PCDHA4: variants seen among roughly 807,000 people sequenced by gnomAD.
PCDHA4 encodes the protein protocadherin alpha 4, also known as protocadherin alpha-4.
PCDHA4 carries 49 observed loss-of-function variants against 61.4 expected under a neutral mutation model. The observed-to-expected ratio is 0.80, with a 90% CI of 0.63 to 1.01. The LOEUF (loss-of-function observed/expected upper bound fraction) is 1.01, where lower values mean the gene tolerates loss of function less well. Ranked by LOEUF, PCDHA4 falls within the 50% of genes least tolerant of loss-of-function variation. The probability of loss-of-function intolerance (pLI) is 0.00; values close to 1 mark genes in which losing one functional copy is unlikely to be tolerated. For synonymous variants in PCDHA4, 590 were observed against 550.3 expected, an observed-to-expected ratio of 1.07 and a Z score of -1.01; for missense variants, 1,254 against 1,235.8, an observed-to-expected ratio of 1.01 and a Z score of -0.22.
chr5:140,876,212 A>G lies in PCDHA4; in HGVS notation c.2385+66640A>G, dbSNP rs782252921. On this transcript the variant is annotated intron_variant, in intron 1 of 3. Coordinates refer to ENST00000530339, the MANE Select transcript of PCDHA4 (RefSeq NM_018907.4). Reference sequence around the variant, plus strand: ...GGTCCGGCGTTTGATAAGCCCAGCTATAAAGTAGTGTTGTCTGAAAATGTC... The same window carrying G: ...GGTCCGGCGTTTGATAAGCCCAGCTGTAAAGTAGTGTTGTCTGAAAATGTC... 5.6e-6 allele frequency: 9 copies of G among 1,613,994 alleles called. No individual in the cohort carries two copies. In the East Asian group the frequency reaches 2.0e-4, roughly 36 times the overall value.
At chr5:140,966,350 A>C in intron 1 of PCDHA4, 1 of 397,418 alleles carries the variant, frequency 2.5e-6, no homozygotes, top group Non-Finnish European at 4.4e-6. Flanking sequence ...GGTGAAGGAG[A>C]TGGGGCTGGA....
At chr5:140,958,587 A>G (rs530889375) in intron 1 of PCDHA4, among the ~76,000 whole-genome samples, 36 of 152,292 alleles carry the variant, frequency 2.4e-4, no homozygotes, top group African/African-American at 8.2e-4. Context: ...AAATGAGCTT[A>G]TGATAATTGG....
At position 140,809,539 on chromosome 5, in the gene PCDHA4, T is replaced by C. The variant is rs782730163; in HGVS notation, c.2352T>C (p.Asp784=). The C allele has an allele frequency of 1.2e-6, 2 of 1,613,728 alleles. No individual in the cohort carries two copies. Among genetic ancestry groups the C allele is most frequent in the Non-Finnish European group, 1.7e-6 (2 of 1,179,802 alleles). The change falls in exon 1 of 4, where the codon GAT becomes GAC. Residue 784 remains aspartate (D), a synonymous_variant. Coordinates refer to ENST00000530339, the MANE Select transcript of PCDHA4 (RefSeq NM_018907.4). ...TACCTGACTCTAGGGACAGAGAAGA[T>C]CAGCTGCAGACAACTGAGGAATCCT... ...PSLPDSRDRE[D]QLQTTEESFA...
chr5:140,971,958 CT>C (rs1176007834), intron 1 of PCDHA4, among the ~76,000 whole-genome samples: 2 of 152,172 alleles, frequency 1.3e-5, no homozygotes, highest in African/African-American at 2.4e-5. Context: ...ACTCCAAAAA[CT>C]TTTTTTCAAT....
intron 1 of PCDHA4, chr5:140,814,250 A>C (rs1436384389): frequency 6.6e-6 from 1 of 152,380 alleles, no homozygotes; most frequent in African/African-American, 2.4e-5. Context: ...AAATGAAGAT[A>C]TAAACACCCA....
intron 1 of PCDHA4, among the ~76,000 whole-genome samples, chr5:140,905,243 T>C (rs962108553): frequency 7.2e-5 from 11 of 152,184 alleles, no homozygotes; most frequent in Non-Finnish European, 1.5e-4. Context: ...CCAGTTTCAT[T>C]CTTCCACATG....
Position 140,978,973 on chromosome 5 carries a change from C to T in PCDHA4, c.2410C>T (p.Arg804Cys), listed in dbSNP as rs141879545. Residue 804 changes from arginine (R) to cysteine (C), a missense_variant, in exon 2 of 4, where the codon CGT becomes TGT. Transcript: ENST00000530339. ...GCCACGACAGCCCAACCCTGACTGG[C>T]GTTACTCTGCCTCCCTGAGAGCAGG... is the stretch of plus-strand genomic sequence containing the variant. ...AKPRQPNPDW[R>C]YSASLRAGMH... 1.5e-5 allele frequency: 24 copies of T among 1,614,060 alleles called. No individual in the cohort carries two copies. Among genetic ancestry groups the T allele is most frequent in the Middle Eastern group, 3.3e-4 (2 of 6,084 alleles).
intron 1 of PCDHA4, chr5:140,823,320 G>A (rs2150124673): frequency 2.5e-6 from 4 of 1,612,172 alleles, no homozygotes; most frequent in South Asian, 1.1e-5. Context: ...AGAGCGGCAA[G>A]GTGTACGCGC....
chr5:140,961,155 G>C (rs1214072320), intron 1 of PCDHA4, among the ~76,000 whole-genome samples: 3 of 152,126 alleles, frequency 2.0e-5, no homozygotes, highest in Non-Finnish European at 4.4e-5. Context: ...TATTATTTCA[G>C]TACATATCTA....
intron 1 of PCDHA4, chr5:140,849,719 G>T (rs1386986772): frequency 6.3e-7 from 1 of 1,598,444 alleles, no homozygotes; most frequent in African/African-American, 1.3e-5. Context: ...ACTCGTTGGT[G>T]CTGGACAGAG....
chr5:140,941,191 T>TTTTTTTCTTTC (rs1554213809), intron 1 of PCDHA4, among the ~76,000 whole-genome samples: 6 of 93,206 alleles, frequency 6.4e-5, no homozygotes, highest in Admixed American at 2.5e-4. Context: ...GCTTCTTTTT[T>TTTTTTTCTTTC]TTTCTTTCTT....
intron 1 of PCDHA4, among the ~76,000 whole-genome samples, chr5:140,874,484 G>A (rs1438670057): frequency 6.6e-6 from 1 of 152,190 alleles, no homozygotes; most frequent in African/African-American, 2.4e-5. Context: ...AAAGCAAAAG[G>A]TTGATATCAA....
chr5:140,966,826 G>T, intron 1 of PCDHA4: 5 of 1,560,694 alleles, frequency 3.2e-6, no homozygotes, highest in Non-Finnish European at 4.3e-6. Context: ...GGCGGCCCAT[G>T]CCCTGGCTGC....
intron 1 of PCDHA4, chr5:140,876,058 C>A (rs781906188): frequency 1.2e-6 from 2 of 1,613,750 alleles, no homozygotes; most frequent in African/African-American, 1.3e-5. Flanking sequence ...TGAATTAGTT[C>A]TTCGGAAGTT....
chr5:140,925,125 A>G (rs1399052853), intron 1 of PCDHA4, among the ~76,000 whole-genome samples: 2 of 150,878 alleles, frequency 1.3e-5, no homozygotes, highest in African/African-American at 2.4e-5. Flanking sequence ...AAGGAAGGAA[A>G]AAAAATTTCA....
chr5:140,851,916 G>A, intron 1 of PCDHA4: 1 of 968,262 alleles, frequency 1.0e-6, no homozygotes, highest in Non-Finnish European at 1.2e-6. Flanking sequence ...GTCACTACAT[G>A]TTATGTTTCC....
At chr5:140,966,695 CGGGCGTGGGGCACGGCT>C (rs2096039584) in intron 1 of PCDHA4, 1 of 1,358,374 alleles carries the variant, frequency 7.4e-7, no homozygotes. Flanking sequence ...AGGCGGGGCC[CGGGCGTGGGGCACGGCT>C]GGGGAAGCTG....
At chr5:140,826,162 GT>G (rs1768831898) in intron 1 of PCDHA4, among the ~76,000 whole-genome samples, 1 of 152,122 alleles carries the variant, frequency 6.6e-6, no homozygotes, top group Non-Finnish European at 1.5e-5. Context: ...TTGAGAAATA[GT>G]TTTTGTCATT....
intron 1 of PCDHA4, chr5:140,929,724 TA>T (rs2086341478): frequency 4.6e-6 from 1 of 218,158 alleles, no homozygotes; most frequent in Admixed American, 5.9e-5. Flanking sequence ...GTGAAACATT[TA>T]CTTAAACTAT....
Sources: allele counts gnomAD v4.1 joint callset (sites outside exome capture counted in the v4.1 genomes callset), GRCh38; gene constraint gnomAD v4.1.1; transcripts MANE v1.5; gene names NCBI Gene and HGNC (gene_info 2026-07-23, HGNC 2026-07-21).